SPATA7: variants seen among roughly 807,000 people sequenced by gnomAD.
SPATA7 encodes spermatogenesis-associated protein 7.
In SPATA7, 43 loss-of-function variants were observed where a neutral mutation model predicts 51.8. That is an observed-to-expected ratio of 0.83 (90% CI 0.65 to 1.07). The LOEUF is 1.07. SPATA7 is among the 50% of genes least tolerant of loss of function. The pLI, the probability that SPATA7 is intolerant of heterozygous loss-of-function variation, is 0.00. For missense variants in SPATA7, 683 were observed against 701.3 expected (o/e 0.97, Z 0.30); for synonymous variants, 230 against 252.8 (o/e 0.91, Z 0.86).
Position 88,401,937 on chromosome 14 carries a change from C to G in SPATA7, c.238+5734C>G, listed in dbSNP as rs1224503506. On this transcript the variant is annotated intron_variant, in intron 4 of 11. Transcript: ENST00000393545. ...AATGCCCAATAAAAAAGAACTGTTGCAATAAATTCAATATAGTTTTAGGAT... is the reference window on the plus strand; with the variant it reads ...AATGCCCAATAAAAAAGAACTGTTGGAATAAATTCAATATAGTTTTAGGAT... Among the ~76,000 whole-genome samples the G allele has an allele frequency of 2.0e-5, 3 of 149,392 alleles. No individual in the cohort carries two copies. In the East Asian group the frequency reaches 5.9e-4, roughly 29 times the overall value.
chr14:88,405,312 C>G (rs945443482), intron 4 of SPATA7, among the ~76,000 whole-genome samples: 8 of 152,174 alleles, frequency 5.3e-5, no homozygotes, highest in Non-Finnish European at 1.0e-4. Context: ...TTGGCCTTCA[C>G]TCTGAATGAA....
rs960447385 is a variant in SPATA7 at position 88,437,694 on chromosome 14, C to G, written c.1215+97C>G. ...TCAAACAATACATTAAAAGCAAGTG[C>G]TTTTTTTTTCCCTTGAACTTTTTTG... is the stretch of plus-strand genomic sequence containing the variant. On this transcript the variant is annotated intron_variant, in intron 11 of 11. Transcript: ENST00000393545. 7 of 1,310,912 alleles carry G rather than the reference C, an allele frequency of 5.3e-6. No individual in the cohort carries two copies. The African/African-American group carries it at 1.1e-4, about 20-fold the overall frequency. 81.2% of individuals were successfully genotyped at this position (1,310,912 alleles called of 1,614,324 possible). A position where few individuals can be genotyped will look rare whatever the true frequency, so the allele number is the denominator to read the frequency against.
intron 8 of SPATA7, among the ~76,000 whole-genome samples, chr14:88,429,932 GTCTC>G (rs1024647066): frequency 3.3e-5 from 2 of 61,198 alleles, no homozygotes; most frequent in Admixed American, 1.7e-4. Context: ...TTATGAGACA[GTCTC>G]TCTCTGTTGT....
intron 4 of SPATA7, among the ~76,000 whole-genome samples, chr14:88,462,151 T>C (rs143399667): frequency 0.013 from 2,027 of 152,294 alleles, 22 homozygotes; most frequent in Non-Finnish European, 0.022. Flanking sequence ...CATTCAATGG[T>C]CCATTAATTT....
downstream of SPATA7, among the ~76,000 whole-genome samples, chr14:88,441,779 T>C (rs375117233): frequency 2.1e-4 from 32 of 152,336 alleles, 1 homozygote; most frequent in African/African-American, 7.5e-4. Flanking sequence ...GCAAAGATTT[T>C]CTTCACTCTG....
intron 2 of SPATA7, among the ~76,000 whole-genome samples, chr14:88,391,937 T>C (rs2075757781): frequency 1.3e-5 from 2 of 152,246 alleles, no homozygotes; most frequent in Non-Finnish European, 2.9e-5. Flanking sequence ...ATTTTTAAGG[T>C]AGGTTTTAAA....
chr14:88,437,687 G>C lies in SPATA7; in HGVS notation c.1215+90G>C, dbSNP rs974070136. The C allele has an allele frequency of 3.0e-6, 4 of 1,353,780 alleles. No homozygotes were observed. In the East Asian group the frequency reaches 9.4e-5, roughly 32 times the overall value. 83.9% of individuals were successfully genotyped at this position (1,353,780 alleles called of 1,614,324 possible). Reference sequence around the variant, plus strand: ...CATACCTTCAAACAATACATTAAAAGCAAGTGCTTTTTTTTTCCCTTGAAC... The same window carrying C: ...CATACCTTCAAACAATACATTAAAACCAAGTGCTTTTTTTTTCCCTTGAAC... On this transcript the variant is annotated intron_variant, in intron 11 of 11. Coordinates refer to ENST00000393545, the MANE Select transcript of SPATA7 (RefSeq NM_018418.5).
chr14:88,427,773 A>G lies in SPATA7; in HGVS notation c.912+77A>G, dbSNP rs1468929262. The G allele has an allele frequency of 3.8e-6, 4 of 1,039,646 alleles. No individual in the cohort carries two copies. In the South Asian group the frequency reaches 4.0e-5, roughly 10 times the overall value. 64.4% of individuals were successfully genotyped at this position (1,039,646 alleles called of 1,614,324 possible). A position where few individuals can be genotyped will look rare whatever the true frequency, so the allele number is the denominator to read the frequency against. On this transcript the variant is annotated intron_variant, in intron 7 of 11. Coordinates refer to ENST00000393545, the MANE Select transcript of SPATA7 (RefSeq NM_018418.5). ...TTCAGTAAATAGAATATGTACAGCT[A>G]TTTAGACTGTGAAGAATAATCTGTT... is the stretch of plus-strand genomic sequence containing the variant.
intron 4 of SPATA7, among the ~76,000 whole-genome samples, chr14:88,409,452 T>C (rs1216284719): frequency 6.6e-6 from 1 of 151,994 alleles, no homozygotes; most frequent in Non-Finnish European, 1.5e-5. Flanking sequence ...CCTTTGTCGT[T>C]TTTTATTGTG....
At chr14:88,467,971 G>C in intron 4 of SPATA7, 1 of 910,356 alleles carries the variant, frequency 1.1e-6, no homozygotes, top group Non-Finnish European at 1.7e-6. Context: ...TTCAGCCTGT[G>C]CTTCGCACGT....
At chr14:88,389,265 T>A (rs897209041) in intron 1 of SPATA7, among the ~76,000 whole-genome samples, 6 of 151,968 alleles carry the variant, frequency 3.9e-5, no homozygotes, top group African/African-American at 1.4e-4. Flanking sequence ...GGTCTTATTC[T>A]GTTACCCAGA....
chr14:88,387,013 T>A (rs2075598923), intron 1 of SPATA7, among the ~76,000 whole-genome samples: 1 of 152,248 alleles, frequency 6.6e-6, no homozygotes, highest in Non-Finnish European at 1.5e-5. Context: ...TACTAGGAAC[T>A]ATTTCCAAAT....
At chr14:88,399,543 A>G (rs764051734) in intron 4 of SPATA7, among the ~76,000 whole-genome samples, 15 of 152,298 alleles carry the variant, frequency 9.8e-5, no homozygotes, top group Non-Finnish European at 2.2e-4. Flanking sequence ...AGGTAATTAG[A>G]TGATTTCTAA....
chr14:88,397,850 G>A (rs1036148974), intron 4 of SPATA7, among the ~76,000 whole-genome samples: 5 of 152,040 alleles, frequency 3.3e-5, no homozygotes, highest in South Asian at 2.1e-4. Flanking sequence ...ATGGGAGGCC[G>A]AGGCAGGCGG....
downstream of SPATA7, among the ~76,000 whole-genome samples, chr14:88,458,506 T>G (rs1402803076): frequency 6.6e-6 from 1 of 152,240 alleles, no homozygotes; most frequent in African/African-American, 2.4e-5. Context: ...TCTAGTTTAT[T>G]TGCTTAGAGA....
intron 6 of SPATA7, among the ~76,000 whole-genome samples, chr14:88,426,964 G>T (rs923938399): frequency 1.3e-5 from 2 of 152,160 alleles, no homozygotes; most frequent in Non-Finnish European, 1.5e-5. Context: ...CAAGAATTGT[G>T]TATGTTTTTA....
downstream of SPATA7, among the ~76,000 whole-genome samples, chr14:88,439,700 AT>A (rs2077164508): frequency 6.6e-6 from 1 of 152,058 alleles, no homozygotes; most frequent in African/African-American, 2.4e-5. Context: ...CTGAGAGTTG[AT>A]TTTAGTGGTA....
At chr14:88,392,678 T>C (rs2075775595) in intron 2 of SPATA7, among the ~76,000 whole-genome samples, 1 of 152,158 alleles carries the variant, frequency 6.6e-6, no homozygotes, top group Non-Finnish European at 1.5e-5. Context: ...AAACTCCATA[T>C]GCCATTTTAG....
At chr14:88,405,285 T>A (rs1443353546) in intron 4 of SPATA7, among the ~76,000 whole-genome samples, 1 of 152,222 alleles carries the variant, frequency 6.6e-6, no homozygotes, top group Non-Finnish European at 1.5e-5. Flanking sequence ...TAAAAGGCAG[T>A]GGCCATTGCA....
Sources: allele counts gnomAD v4.1 joint callset (sites outside exome capture counted in the v4.1 genomes callset), GRCh38; gene constraint gnomAD v4.1.1; transcripts MANE v1.5; gene names NCBI Gene and HGNC (gene_info 2026-07-23, HGNC 2026-07-21).